ITGA9: variants seen among roughly 807,000 people sequenced by gnomAD.
The protein encoded by ITGA9 is integrin alpha-9.
In ITGA9, 56 loss-of-function variants were observed where a neutral mutation model predicts 127.8. That is an observed-to-expected ratio of 0.44 (90% CI 0.35 to 0.55). The LOEUF (loss-of-function observed/expected upper bound fraction) is 0.55, where lower values mean the gene tolerates loss of function less well. Ranked by LOEUF, ITGA9 falls within the 20% of genes least tolerant of loss-of-function variation. ITGA9 has a pLI of 0.00. For missense variants in ITGA9, 1,196 were observed against 1,347.1 expected (o/e 0.89, Z 1.76); for synonymous variants, 508 against 514.5 (o/e 0.99, Z 0.17).
chr3:37,537,244 A>G (rs1407180077), intron 14 of ITGA9, among the ~76,000 whole-genome samples: 1 of 152,186 alleles, frequency 6.6e-6, no homozygotes, highest in Admixed American at 6.5e-5. Flanking sequence ...GAAAACTACA[A>G]TTAACTGCTG....
Position 37,732,712 on chromosome 3 carries a change from G to C in ITGA9, c.2068G>C (p.Glu690Gln). ...ELFFINMWQK[E>Q]EMGISCELLE... The stretch of plus-strand genomic sequence containing the variant: ...CATCTGTTGGTGCTTTTTCTTTCAG[G>C]AGGAGATGGGCATCTCCTGTGAGCT... Residue 690 changes from glutamate (E) to glutamine (Q), a missense_variant and splice_region_variant, in exon 19 of 28, where the codon GAG (glutamate) becomes CAG (glutamine). Glu to Gln is a conservative substitution (Grantham distance 29). Coordinates refer to ENST00000264741, the MANE Select transcript of ITGA9 (RefSeq NM_002207.3). The C allele has an allele frequency of 6.2e-7, 1 of 1,605,552 alleles. No individual in the cohort carries two copies. Among genetic ancestry groups the C allele is most frequent in the South Asian group, 1.1e-5 (1 of 88,626 alleles).
Position 37,506,042 on chromosome 3 carries a change from T to G in ITGA9, c.785T>G (p.Ile262Ser). The change falls in exon 7 of 28, where the codon ATT becomes AGT. Residue 262 changes from isoleucine (I) to serine (S), a missense_variant. By Grantham distance (142) the Ile-to-Ser change is moderately radical. Coordinates refer to ENST00000264741, the MANE Select transcript of ITGA9 (RefSeq NM_002207.3). The stretch of plus-strand genomic sequence containing the variant: ...GGCCACTTCTCTCACCCGTCCACCA[T>G]TGATGTGGTAGGAGGTGCCCCACAG... ...TAGHFSHPST[I>S]DVVGGAPQDK... 6.2e-7 allele frequency: 1 copy of G among 1,610,580 alleles called. No individual in the cohort carries two copies. Among genetic ancestry groups the G allele is most frequent in the Non-Finnish European group, 8.5e-7 (1 of 1,178,630 alleles).
intron 26 of ITGA9, among the ~76,000 whole-genome samples, chr3:37,797,319 C>T (rs975791623): frequency 1.3e-5 from 2 of 152,248 alleles, no homozygotes; most frequent in East Asian, 3.9e-4. Context: ...TGTACCACTT[C>T]ACTCCAGTCT....
intron 15 of ITGA9, among the ~76,000 whole-genome samples, chr3:37,615,390 A>G (rs1490573879): frequency 3.9e-5 from 6 of 152,058 alleles, no homozygotes; most frequent in Non-Finnish European, 8.8e-5. Context: ...GAGGATTTTT[A>G]CATCGATGTT....
At chr3:37,634,457 C>G (rs990303147) in intron 16 of ITGA9, among the ~76,000 whole-genome samples, 1 of 152,020 alleles carries the variant, frequency 6.6e-6, no homozygotes, top group African/African-American at 2.4e-5. Context: ...CAGGAGTAGA[C>G]TTTAAGTCAA....
Position 37,705,935 on chromosome 3 carries a change from A to G in ITGA9, c.2067+21920A>G, listed in dbSNP as rs150104827. ...TTCATCTGGAAAGAAGGAATGTTCT[A>G]GTGGGGCCAGGCCCCATGTGGTATC... On this transcript the variant is annotated intron_variant, in intron 18 of 27. Coordinates refer to ENST00000264741, the MANE Select transcript of ITGA9 (RefSeq NM_002207.3). Among the ~76,000 whole-genome samples, 1,103 of 152,328 alleles carry G rather than the reference A, an allele frequency of 7.2e-3. 8 individuals are homozygous for G. The highest frequency in any genetic ancestry group is 0.011 in the Non-Finnish European group (768 of 68,024).
At chr3:37,517,964 G>T (rs532489329) in intron 10 of ITGA9, among the ~76,000 whole-genome samples, 2 of 152,292 alleles carry the variant, frequency 1.3e-5, no homozygotes, top group East Asian at 1.9e-4. Context: ...AACTCTCCTT[G>T]TTTCTGAGCC....
At chr3:37,774,558 A>T (rs974935029) in intron 23 of ITGA9, among the ~76,000 whole-genome samples, 3 of 151,724 alleles carry the variant, frequency 2.0e-5, no homozygotes, top group African/African-American at 7.3e-5. Flanking sequence ...AAACCAGCAA[A>T]AAACAAAACA....
chr3:37,668,002 T>G (rs1700601638), intron 17 of ITGA9, among the ~76,000 whole-genome samples: 1 of 152,194 alleles, frequency 6.6e-6, no homozygotes, highest in Admixed American at 6.5e-5. Context: ...AGGCTCCAAG[T>G]GTAGGGACCG....
chr3:37,487,838 T>A (rs1698626515), intron 4 of ITGA9, among the ~76,000 whole-genome samples: 1 of 151,958 alleles, frequency 6.6e-6, no homozygotes, highest in African/African-American at 2.4e-5. Context: ...AAAAGTCATA[T>A]TTTTTTTCAA....
chr3:37,652,615 A>C (rs1700440499), intron 16 of ITGA9, among the ~76,000 whole-genome samples: 1 of 152,194 alleles, frequency 6.6e-6, no homozygotes, highest in Non-Finnish European at 1.5e-5. Context: ...TGGCGCCCAC[A>C]CTGACACTCT....
chr3:37,708,384 G>A (rs1225082632), intron 18 of ITGA9, among the ~76,000 whole-genome samples: 1 of 152,188 alleles, frequency 6.6e-6, no homozygotes, highest in Non-Finnish European at 1.5e-5. Context: ...TTCAAGGTGG[G>A]GGAATAAAAT....
intron 15 of ITGA9, among the ~76,000 whole-genome samples, chr3:37,562,312 C>T (rs112709170): frequency 1.1e-3 from 174 of 152,290 alleles, no homozygotes; most frequent in African/African-American, 4.0e-3. Flanking sequence ...GTCCCCATCC[C>T]CACTGCCTAC....
At chr3:37,512,048 CTTT>C (rs1559524589) in intron 8 of ITGA9, among the ~76,000 whole-genome samples, 6,522 of 38,916 alleles carry the variant, frequency 0.17, 1,067 homozygotes, top group East Asian at 0.56. Flanking sequence ...TTCTTTCTTT[CTTT>C]CTTTCTTTCT....
rs1391539274 is a variant in ITGA9, at chr3:37,503,269, A to G, written c.704A>G (p.Asn235Ser). 1.2e-6 allele frequency: 2 copies of G among 1,614,140 alleles called. No individual in the cohort carries two copies. Among genetic ancestry groups the G allele is most frequent in the South Asian group, 1.1e-5 (1 of 91,082 alleles). ...NLTDNTYLKLNDEVIMNRRYT... is the reference protein window; with the variant it reads ...NLTDNTYLKLSDEVIMNRRYT... ...ACGGACAACACCTATTTAAAACTGA[A>G]CGACGAAGTGATCATGAACAGGCGG... The change falls in exon 6 of 28, where the codon AAC becomes AGC. Residue 235 changes from asparagine (N) to serine (S), a missense_variant. Coordinates refer to ENST00000264741, the MANE Select transcript of ITGA9 (RefSeq NM_002207.3).
At chr3:37,666,243 C>T (rs564828322) in intron 17 of ITGA9, among the ~76,000 whole-genome samples, 1 of 152,276 alleles carries the variant, frequency 6.6e-6, no homozygotes, top group East Asian at 1.9e-4. Context: ...GACCATGAGA[C>T]AAGGATTTGA....
At chr3:37,720,236 C>T (rs1456183040) in intron 18 of ITGA9, among the ~76,000 whole-genome samples, 1 of 152,170 alleles carries the variant, frequency 6.6e-6, no homozygotes, top group East Asian at 1.9e-4. Context: ...AACTCTTCAC[C>T]ATGAGTACAT....
intron 27 of ITGA9, among the ~76,000 whole-genome samples, chr3:37,816,145 G>A (rs1165172586): frequency 1.3e-5 from 2 of 152,196 alleles, no homozygotes; most frequent in Non-Finnish European, 2.9e-5. Flanking sequence ...ACATGGTAAA[G>A]GGTGTGGAGG....
chr3:37,470,469 T>C (rs1698419060), intron 1 of ITGA9, among the ~76,000 whole-genome samples: 1 of 152,218 alleles, frequency 6.6e-6, no homozygotes, highest in African/African-American at 2.4e-5. Flanking sequence ...TTTTCATGCA[T>C]TTATTGGCCA....
Sources: gnomAD v4.1 joint callset for allele counts (sites outside exome capture counted in the v4.1 genomes callset) on GRCh38, gnomAD v4.1.1 for gene constraint, MANE v1.5 for transcripts, NCBI Gene and HGNC (gene_info 2026-07-23, HGNC 2026-07-21) for gene names.